The following KIRREL3 variants were observed in gnomAD, a reference collection of about 807,000 sequenced individuals.
The protein encoded by KIRREL3 is kirre like nephrin family adhesion molecule 3.
A neutral mutation model predicts 89.7 loss-of-function variants in KIRREL3; 36 were observed. The observed-to-expected ratio is 0.40, with a 90% CI of 0.31 to 0.53. The LOEUF is 0.53. Among genes scored for constraint, KIRREL3 ranks in the 20% least tolerant of loss-of-function variants. The pLI, the probability that KIRREL3 is intolerant of heterozygous loss-of-function variation, is 0.49. For missense variants in KIRREL3, 864 were observed against 1,056.6 expected, an observed-to-expected ratio of 0.82 and a Z score of 2.53; for synonymous variants, 445 against 441.4, an observed-to-expected ratio of 1.01 and a Z score of -0.10.
At chr11:126,646,999 A>G (rs1386359303) in intron 1 of KIRREL3, among the ~76,000 whole-genome samples, 1 of 152,208 alleles carries the variant, frequency 6.6e-6, no homozygotes, top group Non-Finnish European at 1.5e-5. Context: ...ATGATCCTCA[A>G]TGGTATAAAC....
At chr11:126,836,356 C>T (rs186245138) in intron 1 of KIRREL3, among the ~76,000 whole-genome samples, 28 of 152,310 alleles carry the variant, frequency 1.8e-4, no homozygotes, top group Admixed American at 8.5e-4. Context: ...AGGTTCCTCC[C>T]TGATATAAAT....
rs1451253517 is a variant in KIRREL3, at chr11:126,639,481, T to G, written c.56-76569A>C. Among the ~76,000 whole-genome samples, 1 of 152,186 alleles carries G rather than the reference T, an allele frequency of 6.6e-6. No individual in the cohort carries two copies. Among genetic ancestry groups the G allele is most frequent in the Non-Finnish European group, 1.5e-5 (1 of 68,026 alleles). On this transcript the variant is annotated intron_variant, in intron 1 of 16. Transcript: ENST00000525144. This position sits in a 1 kb window ranked among gnomAD's most constrained non-coding sequence, Gnocchi z 4.3. Reference sequence around the variant, plus strand: ...TAAAAGTAACCTCTACTGAGCTCAATAAACCATTTCCAATGTGGCAGCTTC... The same window carrying G: ...TAAAAGTAACCTCTACTGAGCTCAAGAAACCATTTCCAATGTGGCAGCTTC...
intron 1 of KIRREL3, among the ~76,000 whole-genome samples, chr11:126,706,678 T>G (rs951811716): frequency 1.8e-4 from 27 of 152,342 alleles, no homozygotes; most frequent in African/African-American, 6.5e-4. Flanking sequence ...GTGTAATAAA[T>G]TTTTAAAAAT....
chr11:126,884,337 C>A (rs1320779712), intron 1 of KIRREL3, among the ~76,000 whole-genome samples: 2 of 152,114 alleles, frequency 1.3e-5, no homozygotes, highest in Admixed American at 6.5e-5. Flanking sequence ...GATGGGCCTC[C>A]CTAAGCCCTC....
intron 2 of KIRREL3, among the ~76,000 whole-genome samples, chr11:126,538,114 C>A (rs1938061144): frequency 6.6e-6 from 1 of 152,162 alleles, no homozygotes; most frequent in Non-Finnish European, 1.5e-5. Flanking sequence ...CATTAGAAAC[C>A]TGCATGGGTG....
chr11:126,680,482 C>T (rs541448245), intron 1 of KIRREL3, among the ~76,000 whole-genome samples: 6 of 152,138 alleles, frequency 3.9e-5, no homozygotes, highest in African/African-American at 1.2e-4. Context: ...CCCAGTCCAT[C>T]AGACCATTAT....
intron 1 of KIRREL3, among the ~76,000 whole-genome samples, chr11:126,646,591 C>CGCT (rs1226026789): frequency 6.6e-6 from 1 of 150,480 alleles, no homozygotes; most frequent in Non-Finnish European, 1.5e-5. Flanking sequence ...TCTCCTGCTT[C>CGCT]AGCCTCCTGA....
rs1197344715 is a variant in KIRREL3, at chr11:126,614,572, G to T, written c.56-51660C>A. The stretch of plus-strand genomic sequence containing the variant: ...GGTGTCTCTACTAAACACTGCCCAG[G>T]TGGTTCTATCATCAAGCCAGAGATG... On this transcript the variant is annotated intron_variant, in intron 1 of 16. Coordinates refer to ENST00000525144, the MANE Select transcript of KIRREL3 (RefSeq NM_032531.4). This position sits in a 1 kb window ranked among gnomAD's most constrained non-coding sequence, Gnocchi z 4.6. Among the ~76,000 whole-genome samples the T allele has an allele frequency of 1.3e-5, 2 of 152,210 alleles. No homozygotes were observed. Among genetic ancestry groups the T allele is most frequent in the Non-Finnish European group, 2.9e-5 (2 of 68,032 alleles).
In KIRREL3 at chr11:126,449,496, A is replaced by G. The variant is rs889699724; in HGVS notation, c.849-339T>C. ...CTAGACGATGGAAAATCCAACTGTC[A>G]GTGGGCAGACAGCTCGCTGTCCTGC... On this transcript the variant is annotated intron_variant, in intron 7 of 16. Coordinates refer to ENST00000525144, the MANE Select transcript of KIRREL3 (RefSeq NM_032531.4). 3.9e-5 allele frequency among the ~76,000 whole-genome samples: 6 copies of G among 152,354 alleles called. No homozygotes were observed. The South Asian group carries it at 6.2e-4, about 16-fold the overall frequency.
rs181087812 is a variant in KIRREL3 at position 126,804,107 on chromosome 11, T to C, written c.55+196348A>G. 7.1e-3 allele frequency among the ~76,000 whole-genome samples: 1,080 copies of C among 152,356 alleles called. 12 individuals carry two copies. Among genetic ancestry groups the C allele is most frequent in the African/African-American group, 0.023 (962 of 41,576 alleles). On this transcript the variant is annotated intron_variant, in intron 1 of 16. Coordinates refer to ENST00000525144, the MANE Select transcript of KIRREL3 (RefSeq NM_032531.4). Reference sequence around the variant, plus strand: ...GTGTGTGTGTTTCAGACACTCTGGCTGTATTTCAATAAGGGCATGTGAGGT... The same window carrying C: ...GTGTGTGTGTTTCAGACACTCTGGCCGTATTTCAATAAGGGCATGTGAGGT...
chr11:126,450,380 TGTGTGAGTGTGG>T (rs1172031730), intron 7 of KIRREL3, among the ~76,000 whole-genome samples: 58 of 147,522 alleles, frequency 3.9e-4, no homozygotes, highest in African/African-American at 1.4e-3. Flanking sequence ...TGAGTGTGCA[TGTGTGAGTGTGG>T]GTATGTGTGA....
intron 9 of KIRREL3, among the ~76,000 whole-genome samples, chr11:126,446,105 G>A (rs1320217867): frequency 5.1e-5 from 7 of 136,300 alleles, no homozygotes; most frequent in Admixed American, 1.7e-4. Flanking sequence ...CCAAGATCAC[G>A]CCGCTGCACT....
intron 15 of KIRREL3, among the ~76,000 whole-genome samples, chr11:126,426,899 G>C (rs867319744): frequency 4.6e-5 from 7 of 152,238 alleles, no homozygotes; most frequent in Admixed American, 6.5e-5. Flanking sequence ...TTTCCCATCA[G>C]ATTCAACTTC....
rs145152621 is a variant in KIRREL3, at chr11:126,770,150, G to T, written c.56-207238C>A. ...GTCCAGTGGGAAGCCTGAGTTGGGG[G>T]GGAATTTGGGGGAGCCTCCCTGCTT... On this transcript the variant is annotated intron_variant, in intron 1 of 16. Transcript: ENST00000525144. 3.9e-5 allele frequency among the ~76,000 whole-genome samples: 6 copies of T among 152,144 alleles called. No homozygotes were observed. The East Asian group carries it at 1.2e-3, about 29-fold the overall frequency.
Position 126,492,743 on chromosome 11 carries a change from G to A in KIRREL3, c.434-19277C>T, listed in dbSNP as rs1330065967. 1.3e-5 allele frequency among the ~76,000 whole-genome samples: 2 copies of A among 152,164 alleles called. No homozygotes were observed. Among genetic ancestry groups the A allele is most frequent in the African/African-American group, 4.8e-5 (2 of 41,452 alleles). On this transcript the variant is annotated intron_variant, in intron 4 of 16. Coordinates refer to ENST00000525144, the MANE Select transcript of KIRREL3 (RefSeq NM_032531.4). The surrounding 1 kb of genome is among the most constrained non-coding windows in gnomAD (Gnocchi z 4.8). ...TGGTGAAATATCAAGATGCTGAGGG[G>A]GCTCTGAGCTGGACCGTGCAGGGAG...
At chr11:126,494,939 G>T (rs1022023416) in intron 4 of KIRREL3, among the ~76,000 whole-genome samples, 1 of 152,244 alleles carries the variant, frequency 6.6e-6, no homozygotes, top group Non-Finnish European at 1.5e-5. Context: ...TGAGGGATGC[G>T]GGTGGCGTGG....
At chr11:126,518,279 G>A (rs1363963251) in intron 4 of KIRREL3, among the ~76,000 whole-genome samples, 2 of 152,234 alleles carry the variant, frequency 1.3e-5, no homozygotes, top group Non-Finnish European at 2.9e-5. Context: ...GCGGCTCTGC[G>A]AGCTGGCCCT....
Position 126,921,626 on chromosome 11 carries a change from C to T in KIRREL3, c.55+78829G>A, listed in dbSNP as rs940398217. 4.5e-4 allele frequency among the ~76,000 whole-genome samples: 12 copies of T among 26,804 alleles called. 2 individuals are homozygous for T. Among genetic ancestry groups the T allele is most frequent in the Non-Finnish European group, 7.6e-4 (11 of 14,404 alleles). 17.6% of individuals were successfully genotyped at this position (26,804 alleles called of 152,430 possible). A position where few individuals can be genotyped will look rare whatever the true frequency, so the allele number is the denominator to read the frequency against. On this transcript the variant is annotated intron_variant, in intron 1 of 16. Transcript: ENST00000525144. ...TCTATCTATCTATCTATCTATCTTC[C>T]TATCTATCCATCCATCTTCCTGTGT...
upstream of KIRREL3, among the ~76,000 whole-genome samples, chr11:127,002,576 G>A (rs986014098): frequency 1.3e-5 from 2 of 152,198 alleles, no homozygotes; most frequent in African/African-American, 2.4e-5. Context: ...ATAACTCTAT[G>A]TATAGCGCCG....
Sources: allele counts gnomAD v4.1 joint callset (sites outside exome capture counted in the v4.1 genomes callset), GRCh38; gene constraint gnomAD v4.1.1; non-coding constraint Gnocchi (gnomAD v3.1); transcripts MANE v1.5; gene names NCBI Gene and HGNC (gene_info 2026-07-23, HGNC 2026-07-21).